The following SRGAP3 variants were observed in gnomAD, a reference collection of about 807,000 sequenced individuals.
SRGAP3 encodes SLIT-ROBO Rho GTPase activating protein 3.
Under a neutral mutation model 121.1 loss-of-function variants are expected in SRGAP3, and 39 were observed. That is an observed-to-expected ratio of 0.32 (90% CI 0.25 to 0.42). SRGAP3 has a LOEUF of 0.42. Ranked by LOEUF, SRGAP3 falls within the 10% of genes least tolerant of loss-of-function variation. The pLI is 1.00. For synonymous variants in SRGAP3, 601 were observed against 570.0 expected, an observed-to-expected ratio of 1.05 and a Z score of -0.77; for missense variants, 1,213 against 1,470.6, an observed-to-expected ratio of 0.82 and a Z score of 2.86.
At chr3:9,283,546 A>C (rs1434678853) in intron 3 of SRGAP3, among the ~76,000 whole-genome samples, 5 of 152,206 alleles carry the variant, frequency 3.3e-5, no homozygotes, top group Non-Finnish European at 7.3e-5. Flanking sequence ...AGATATTCTA[A>C]TTTTCATTTG....
At chr3:9,258,850 C>T (rs1012045182) in intron 3 of SRGAP3, among the ~76,000 whole-genome samples, 3 of 152,210 alleles carry the variant, frequency 2.0e-5, no homozygotes, top group Admixed American at 6.5e-5. Context: ...TGTCTCTGAT[C>T]GTGCCTCCCT....
At chr3:9,348,386 A>G in intron 1 of SRGAP3, 1 of 524,916 alleles carries the variant, frequency 1.9e-6, no homozygotes, top group Non-Finnish European at 3.5e-6. Flanking sequence ...TTAAAAAGAC[A>G]AATGTGCCTC....
intron 3 of SRGAP3, among the ~76,000 whole-genome samples, chr3:9,265,475 T>C (rs927933163): frequency 2.0e-5 from 3 of 152,046 alleles, no homozygotes; most frequent in South Asian, 2.1e-4. Flanking sequence ...AATCTACTCA[T>C]CTGACAAAGG....
chr3:9,002,074 A>T (rs187474114), intron 18 of SRGAP3, among the ~76,000 whole-genome samples: 176 of 152,302 alleles, frequency 1.2e-3, no homozygotes, highest in Non-Finnish European at 1.8e-3. Flanking sequence ...CCTAACAGGC[A>T]TGTATAGAAC....
Position 9,053,100 on chromosome 3 carries a change from T to C in SRGAP3, c.1250A>G (p.Glu417Gly), listed in dbSNP as rs1471613448. The change falls in exon 9 of 22, where the codon GAG (glutamate) becomes GGG (glycine). Residue 417 changes from glutamate to glycine, a missense_variant. Coordinates refer to ENST00000383836, the MANE Select transcript of SRGAP3 (RefSeq NM_014850.4). The stretch of plus-strand genomic sequence containing the variant: ...AATGTTGATCTTGCTCATGTAGGTC[T>C]CAGAGGCAGCCGACTTGACGGACTC... ...STESVKSAAS[E>G]TYMSKINIAK... 2 of 1,614,090 alleles carry C rather than the reference T, an allele frequency of 1.2e-6. No individual in the cohort carries two copies. The highest frequency in any genetic ancestry group is 2.7e-5 in the African/African-American group (2 of 74,944).
At chr3:9,215,690 G>C (rs573699999) in intron 1 of SRGAP3, among the ~76,000 whole-genome samples, 1 of 152,346 alleles carries the variant, frequency 6.6e-6, no homozygotes, top group Admixed American at 6.5e-5. Flanking sequence ...GCAGAGGAAA[G>C]GCACACTGCT....
intron 4 of SRGAP3, among the ~76,000 whole-genome samples, chr3:9,077,677 T>C (rs778137893): frequency 6.6e-6 from 1 of 152,222 alleles, no homozygotes; most frequent in Non-Finnish European, 1.5e-5. Flanking sequence ...GCGGCATTTC[T>C]GTCCAGCCAT....
chr3:9,258,441 T>C (rs957399309), intron 3 of SRGAP3, among the ~76,000 whole-genome samples: 2 of 152,108 alleles, frequency 1.3e-5, no homozygotes, highest in Non-Finnish European at 2.9e-5. Context: ...ATTAACAAGC[T>C]CGGAGTTTCA....
At chr3:9,304,770 C>T (rs1955129080) in intron 3 of SRGAP3, among the ~76,000 whole-genome samples, 1 of 152,130 alleles carries the variant, frequency 6.6e-6, no homozygotes, top group Non-Finnish European at 1.5e-5. Flanking sequence ...CCAGGGCTTC[C>T]CATTTCCAAT....
At chr3:9,272,177 T>C (rs1007583019) in intron 3 of SRGAP3, among the ~76,000 whole-genome samples, 16 of 152,266 alleles carry the variant, frequency 1.1e-4, no homozygotes, top group African/African-American at 3.9e-4. Context: ...TAGAAAATGT[T>C]GTCAGTCGTT....
At chr3:9,111,828 C>A in intron 2 of SRGAP3, among the ~76,000 whole-genome samples, 1 of 152,194 alleles carries the variant, frequency 6.6e-6, no homozygotes, top group Middle Eastern at 3.2e-3. Flanking sequence ...TCAGAGTGAC[C>A]CTTCCGCTTC....
intron 1 of SRGAP3, among the ~76,000 whole-genome samples, chr3:9,356,616 G>A (rs1023150558): frequency 6.6e-6 from 1 of 151,596 alleles, no homozygotes. Flanking sequence ...CTCGTGATCC[G>A]CCCGCCTCAG....
chr3:9,204,134 C>T (rs1188724708), intron 1 of SRGAP3, among the ~76,000 whole-genome samples: 2 of 152,366 alleles, frequency 1.3e-5, no homozygotes, highest in African/African-American at 4.8e-5. Context: ...AACCATCAAA[C>T]ACCGGGAACC....
chr3:9,022,650 C>G (rs1253359308), intron 14 of SRGAP3, among the ~76,000 whole-genome samples: 2 of 152,136 alleles, frequency 1.3e-5, no homozygotes, highest in Admixed American at 6.5e-5. Context: ...AGTGAGAAAT[C>G]TGGCAGCGGC....
intron 1 of SRGAP3, among the ~76,000 whole-genome samples, chr3:9,140,549 A>T (rs746510387): frequency 5.3e-5 from 8 of 152,234 alleles, no homozygotes; most frequent in African/African-American, 1.9e-4. Flanking sequence ...AAGGCTTAGC[A>T]GACTTTTTCC....
At chr3:9,277,655 C>G (rs561192734) in intron 3 of SRGAP3, among the ~76,000 whole-genome samples, 14 of 150,974 alleles carry the variant, frequency 9.3e-5, no homozygotes, top group Admixed American at 5.9e-4. Context: ...TGGCACACAC[C>G]TGTAATCCCA....
At chr3:9,079,917 C>CA (rs1257702366) in intron 4 of SRGAP3, 108 bp downstream of exon 4, 4 of 1,209,796 alleles carry the variant, frequency 3.3e-6, no homozygotes, top group Non-Finnish European at 4.8e-6. Context: ...TAAAACGCAG[C>CA]AAAAAAGGCC....
At chr3:9,226,426 C>T (rs761129917) in intron 1 of SRGAP3, among the ~76,000 whole-genome samples, 2 of 152,170 alleles carry the variant, frequency 1.3e-5, no homozygotes, top group East Asian at 1.9e-4. Flanking sequence ...GATTCATCAC[C>T]CAGCCTCGAG....
intron 1 of SRGAP3, among the ~76,000 whole-genome samples, chr3:9,187,237 T>C (rs1191217379): frequency 6.6e-6 from 1 of 151,966 alleles, no homozygotes; most frequent in African/African-American, 2.4e-5. Flanking sequence ...CTTGTGTTAG[T>C]TTGTCCCTCA....
Sources: allele counts gnomAD v4.1 joint callset (sites outside exome capture counted in the v4.1 genomes callset), GRCh38; gene constraint gnomAD v4.1.1; transcripts MANE v1.5; gene names NCBI Gene and HGNC (gene_info 2026-07-23, HGNC 2026-07-21).